The following HEYL variants were observed in gnomAD, a reference collection of about 807,000 sequenced individuals.
The protein encoded by HEYL is hes related family bHLH transcription factor with YRPW motif like.
A neutral mutation model predicts 18.6 loss-of-function variants in HEYL; 12 were observed. The ratio of observed to expected loss-of-function variants is 0.65; its 90% CI spans 0.41 to 1.05. The LOEUF (loss-of-function observed/expected upper bound fraction) is 1.05. Ranked by LOEUF, HEYL falls within the 50% of genes least tolerant of loss-of-function variation. The pLI, the probability that HEYL is intolerant of heterozygous loss-of-function variation, is 0.00. For missense variants in HEYL, 420 were observed against 444.7 expected, an observed-to-expected ratio of 0.94 and a Z score of 0.50; for synonymous variants, 159 against 179.6, an observed-to-expected ratio of 0.89 and a Z score of 0.91.
chr1:39,633,110 G>A (rs1570442956), intron 1 of HEYL: 3 of 983,952 alleles, frequency 3.0e-6, no homozygotes, highest in South Asian at 9.4e-5. Flanking sequence ...GGGAACGAGC[G>A]TGGAAAGAGC....
intron 1 of HEYL, among the ~76,000 whole-genome samples, chr1:39,638,419 T>C (rs1646371001): frequency 1.3e-5 from 2 of 152,184 alleles, no homozygotes; most frequent in Non-Finnish European, 2.9e-5. Context: ...ATCATGCCAC[T>C]GCACTCCAGC....
chr1:39,632,923 C>T, intron 1 of HEYL: 6 of 985,340 alleles, frequency 6.1e-6, no homozygotes, highest in Non-Finnish European at 7.2e-6. Flanking sequence ...TGCTCGGCCT[C>T]GCCCTTCGCC....
At chr1:39,637,572 G>A (rs1037343886) in intron 1 of HEYL, among the ~76,000 whole-genome samples, 1 of 152,202 alleles carries the variant, frequency 6.6e-6, no homozygotes. Context: ...TGTCTGCTGG[G>A]GGAAGGGCCC....
chr1:39,632,657 G>C lies in HEYL; in HGVS notation c.139C>G (p.His47Asp). ...CTGAGACGGACACTCACCCCTCTGT[G>C]TTTCTTCCTGGCTTGCATCTGCGAA... The part of the protein sequence containing the change: ...SSSQMQARKK[H>D]RGIIEKRRRD... Residue 47 changes from histidine (H) to aspartate (D), a missense_variant, in exon 2 of 5, where the codon CAC becomes GAC. Physicochemically the swap from His to Asp is moderately conservative, Grantham distance 81 (BLOSUM62 -1). Transcript: ENST00000372852. The C allele has an allele frequency of 6.2e-7, 1 of 1,613,574 alleles. No homozygotes were observed. The highest frequency in any genetic ancestry group is 8.5e-7 in the Non-Finnish European group (1 of 1,179,692).
Position 39,628,915 on chromosome 1 carries a change from T to TAA in HEYL, c.313+1310_313+1311dup, listed in dbSNP as rs755635952. Among the ~76,000 whole-genome samples the TAA allele has an allele frequency of 1.2e-4, 18 of 152,314 alleles. 1 individual carries two copies. The highest frequency in any genetic ancestry group is 1.8e-4 in the Non-Finnish European group (12 of 68,022). On this transcript the variant is annotated intron_variant, in intron 4 of 4. Coordinates refer to ENST00000372852, the MANE Select transcript of HEYL (RefSeq NM_014571.4). ...CCGCGCCCGGCCCGCTGTTTTTTTC[T>TAA]AACATTTGCTGAATTCTTACTAAGC... is the stretch of plus-strand genomic sequence containing the variant.
intron 3 of HEYL, 112 bp downstream of exon 3, chr1:39,631,384 G>A (rs185263340): frequency 2.3e-6 from 2 of 852,976 alleles, no homozygotes; most frequent in East Asian, 5.1e-5. Context: ...ATTGGTAAAT[G>A]ATCACAGCAT....
intron 1 of HEYL, among the ~76,000 whole-genome samples, chr1:39,637,651 C>T (rs1646367830): frequency 6.6e-6 from 1 of 152,224 alleles, no homozygotes; most frequent in Admixed American, 6.5e-5. Context: ...TTTCTCTCCT[C>T]AGAGGGGTCT....
chr1:39,632,829 T>C, intron 1 of HEYL, 114 bp from the exon 2 acceptor site: 1 of 1,531,494 alleles, frequency 6.5e-7, no homozygotes, highest in Non-Finnish European at 8.7e-7. Context: ...CAGCTTGCTC[T>C]CCCCTTCTTC....
intron 1 of HEYL, among the ~76,000 whole-genome samples, chr1:39,638,454 CAAAA>C (rs1646371119): frequency 6.6e-6 from 1 of 152,124 alleles, no homozygotes; most frequent in Non-Finnish European, 1.5e-5. Context: ...GAGACCATGT[CAAAA>C]AGAAAGAAAG....
At chr1:39,639,283 GC>G (rs1646375127) in intron 1 of HEYL, among the ~76,000 whole-genome samples, 1 of 152,174 alleles carries the variant, frequency 6.6e-6, no homozygotes, top group Admixed American at 6.5e-5. Context: ...TAACCCACTA[GC>G]CACCTGATCC....
rs139355861 is a variant in HEYL, at chr1:39,627,025, C to A, written c.469G>T (p.Ala157Ser). The change falls in exon 5 of 5, where the codon GCA becomes TCA. Residue 157 changes from alanine to serine, a missense_variant. Coordinates refer to ENST00000372852, the MANE Select transcript of HEYL (RefSeq NM_014571.4). ...IRLLSHLNSYAAEMEPSPTPT... is the reference protein window; with the variant it reads ...IRLLSHLNSYSAEMEPSPTPT... ...GTGGGCGAAGGCTCCATCTCGGCTG[C>A]GTAGCTGTTGAGGTGGGAGAGAAGG... 6.2e-7 allele frequency: 1 copy of A among 1,614,010 alleles called. No homozygotes were observed. Among genetic ancestry groups the A allele is most frequent in the Non-Finnish European group, 8.5e-7 (1 of 1,180,006 alleles).
At chr1:39,632,772 G>A in intron 1 of HEYL, 57 bp from the exon 2 acceptor site, 1 of 1,604,300 alleles carries the variant, frequency 6.2e-7, no homozygotes, top group Non-Finnish European at 8.5e-7. Flanking sequence ...TCCCCGGCCT[G>A]GGCCGACCTC....
chr1:39,626,462 A>G lies in HEYL; in HGVS notation c.*45T>C. On this transcript the variant is annotated 3_prime_UTR_variant, in exon 5 of 5. Transcript: ENST00000372852. The stretch of plus-strand genomic sequence containing the variant: ...AGTGCCCTTTTTTGGGCTCCTGGTA[A>G]AAGAACCTTCCTTATTCCTTGGGGC... The G allele has an allele frequency of 6.9e-7, 1 of 1,442,640 alleles. No individual in the cohort carries two copies. Among genetic ancestry groups the G allele is most frequent in the Non-Finnish European group, 9.1e-7 (1 of 1,093,738 alleles). 89.4% of individuals were successfully genotyped at this position (1,442,640 alleles called of 1,614,324 possible). A position where few individuals can be genotyped will look rare whatever the true frequency, so the allele number is the denominator to read the frequency against.
rs887086897 is a variant in HEYL at position 39,623,925 on chromosome 1, A to G, written c.*2582T>C. On this transcript the variant is annotated 3_prime_UTR_variant, in exon 5 of 5. Transcript: ENST00000372852. ...GGACCAAAAGAAGACCTTTAGAACAATAGGGTAAGAGAGTGAGGTTTTCAA... is the reference window on the plus strand; with the variant it reads ...GGACCAAAAGAAGACCTTTAGAACAGTAGGGTAAGAGAGTGAGGTTTTCAA... Among the ~76,000 whole-genome samples, 2 of 152,178 alleles carry G rather than the reference A, an allele frequency of 1.3e-5. No homozygotes were observed. The highest frequency in any genetic ancestry group is 2.9e-5 in the Non-Finnish European group (2 of 68,028).
chr1:39,632,737 G>C, intron 1 of HEYL, 22 bp from the exon 2 acceptor site: 1 of 1,613,574 alleles, frequency 6.2e-7, no homozygotes, highest in Non-Finnish European at 8.5e-7. Flanking sequence ...AAGAAAAGCT[G>C]ATTTTTCAGG....
At chr1:39,637,101 C>T (rs904248878) in intron 1 of HEYL, among the ~76,000 whole-genome samples, 2 of 152,198 alleles carry the variant, frequency 1.3e-5, no homozygotes, top group African/African-American at 4.8e-5. Flanking sequence ...TCCAAGACCA[C>T]CACCTTATAT....
At chr1:39,637,356 G>A (rs114377554) in intron 1 of HEYL, among the ~76,000 whole-genome samples, 1,528 of 152,286 alleles carry the variant, frequency 0.01, 28 homozygotes, top group African/African-American at 0.035. Context: ...GGGGTTTTGC[G>A]CCCTGCCCCT....
In HEYL at chr1:39,625,229, T is replaced by C. The variant is rs1646289473; in HGVS notation, c.*1278A>G. ...AGAAGGGTTTCTGCATTTTATCAAC[T>C]GGTGTGGCAACACTGGTCCCACTGG... is the stretch of plus-strand genomic sequence containing the variant. On this transcript the variant is annotated 3_prime_UTR_variant, in exon 5 of 5. Coordinates refer to ENST00000372852, the MANE Select transcript of HEYL (RefSeq NM_014571.4). The C allele has an allele frequency of 6.6e-6, 1 of 152,262 alleles. No individual in the cohort carries two copies. Among genetic ancestry groups the C allele is most frequent in the Non-Finnish European group, 1.5e-5 (1 of 68,058 alleles). 9.4% of individuals were successfully genotyped at this position (152,262 alleles called of 1,614,324 possible). A position where few individuals can be genotyped will look rare whatever the true frequency, so the allele number is the denominator to read the frequency against.
chr1:39,629,852 T>C (rs140649142), intron 4 of HEYL, among the ~76,000 whole-genome samples: 143 of 152,348 alleles, frequency 9.4e-4, no homozygotes, highest in Non-Finnish European at 1.8e-3. Context: ...GTGGGTAGGA[T>C]ACCAGGCTCC....
Sources: allele counts gnomAD v4.1 joint callset (sites outside exome capture counted in the v4.1 genomes callset), GRCh38; gene constraint gnomAD v4.1.1; transcripts MANE v1.5; gene names NCBI Gene and HGNC (gene_info 2026-07-23, HGNC 2026-07-21).